CFAP90: variants seen among roughly 807,000 people sequenced by gnomAD.
The protein encoded by CFAP90 is cilia and flagella associated protein 90, also known as cilia- and flagella-associated protein 90.
At chr5:7,844,420 C>T in the CFAP90 span, among the ~76,000 whole-genome samples, 1 of 152,186 alleles carries the variant, frequency 6.6e-6, no homozygotes, top group Admixed American at 6.5e-5. Flanking sequence ...ATTCATTCCT[C>T]ATTTGTTCAT....
the CFAP90 span, chr5:7,832,064 A>G: frequency 4.4e-6 from 7 of 1,588,176 alleles, no homozygotes; most frequent in East Asian, 1.4e-4. Context: ...AGTCAGCACC[A>G]CTGCATTCGC....
chr5:7,833,467 CACACACATAT>C, the CFAP90 span, among the ~76,000 whole-genome samples: 1 of 150,006 alleles, frequency 6.7e-6, no homozygotes, highest in East Asian at 1.9e-4. Flanking sequence ...CACACACATG[CACACACATAT>C]ACACACATAT....
chr5:7,837,317 G>C, the CFAP90 span, among the ~76,000 whole-genome samples: 2 of 152,106 alleles, frequency 1.3e-5, no homozygotes, highest in Non-Finnish European at 2.9e-5. Flanking sequence ...TGTAGGTCAG[G>C]CTTGTCATTT....
chr5:7,832,052 A>T, the CFAP90 span: 1 of 1,598,724 alleles, frequency 6.3e-7, no homozygotes, highest in Non-Finnish European at 8.6e-7. Flanking sequence ...ATCAAAGCAC[A>T]TAGTCAGCAC....
At chr5:7,833,299 ACAT>A in the CFAP90 span, among the ~76,000 whole-genome samples, 1 of 152,192 alleles carries the variant, frequency 6.6e-6, no homozygotes, top group African/African-American at 2.4e-5. Context: ...GCATGTACAC[ACAT>A]ATGTACACAC....
the CFAP90 span, chr5:7,835,465 T>TA: frequency 6.3e-7 from 1 of 1,597,910 alleles, no homozygotes; most frequent in Non-Finnish European, 8.5e-7. Context: ...AGGCGCCTCT[T>TA]AAAAATACAA....
the CFAP90 span, chr5:7,851,042 C>G: frequency 8.1e-7 from 1 of 1,238,280 alleles, no homozygotes; most frequent in Non-Finnish European, 1.0e-6. Context: ...TCCAGCGCCC[C>G]CGCCTTGGCC....
chr5:7,844,139 A>C, the CFAP90 span, among the ~76,000 whole-genome samples: 1 of 152,140 alleles, frequency 6.6e-6, no homozygotes, highest in Non-Finnish European at 1.5e-5. Flanking sequence ...ACCCCTTTTT[A>C]AGGAGCTACC....
At chr5:7,849,600 A>G in the CFAP90 span, among the ~76,000 whole-genome samples, 1 of 152,172 alleles carries the variant, frequency 6.6e-6, no homozygotes. Flanking sequence ...AGAAGAAAGG[A>G]GTAGATGACC....
the CFAP90 span, among the ~76,000 whole-genome samples, chr5:7,845,179 A>G: frequency 6.6e-6 from 1 of 152,150 alleles, no homozygotes; most frequent in Non-Finnish European, 1.5e-5. Flanking sequence ...CTCACTTACT[A>G]TCATGAGAAC....
At chr5:7,842,513 ACT>A in the CFAP90 span, among the ~76,000 whole-genome samples, 1 of 151,364 alleles carries the variant, frequency 6.6e-6, no homozygotes, top group African/African-American at 2.4e-5. Flanking sequence ...TCCATAAAAA[ACT>A]CTCAGGCAGT....
At chr5:7,849,406 A>T in the CFAP90 span, among the ~76,000 whole-genome samples, 1 of 152,252 alleles carries the variant, frequency 6.6e-6, no homozygotes, top group East Asian at 1.9e-4. Flanking sequence ...CCTTCCCCCT[A>T]GACACCTGGC....
chr5:7,832,303 C>T, the CFAP90 span, among the ~76,000 whole-genome samples: 50,721 of 152,042 alleles, frequency 0.33, 8,678 homozygotes, highest in Admixed American at 0.46. Context: ...TCCCTGTGCT[C>T]TTCCTGGTCA....
the CFAP90 span, among the ~76,000 whole-genome samples, chr5:7,833,266 T>C: frequency 6.6e-6 from 1 of 151,816 alleles, no homozygotes; most frequent in South Asian, 2.1e-4. Flanking sequence ...ATTAAATATG[T>C]ATGTGTATAT....
chr5:7,839,588 C>T, the CFAP90 span, among the ~76,000 whole-genome samples: 1 of 152,200 alleles, frequency 6.6e-6, no homozygotes, highest in Non-Finnish European at 1.5e-5. Context: ...TAATATGCAA[C>T]TTTACAGAGA....
At chr5:7,833,532 CAT>C in the CFAP90 span, among the ~76,000 whole-genome samples, 1 of 152,058 alleles carries the variant, frequency 6.6e-6, no homozygotes, top group Admixed American at 6.5e-5. Context: ...CACATGCACA[CAT>C]ATATACACAC....
the CFAP90 span, among the ~76,000 whole-genome samples, chr5:7,849,614 A>G: frequency 6.6e-6 from 1 of 152,184 alleles, no homozygotes; most frequent in Admixed American, 6.5e-5. Flanking sequence ...GATGACCCTC[A>G]ACTGGCTTTG....
chr5:7,838,951 G>A, the CFAP90 span, among the ~76,000 whole-genome samples: 2 of 152,192 alleles, frequency 1.3e-5, no homozygotes, highest in African/African-American at 4.8e-5. Context: ...TTTTCATGCT[G>A]CTGATAAAGA....
the CFAP90 span, among the ~76,000 whole-genome samples, chr5:7,834,536 C>CGGTA: frequency 6.6e-6 from 1 of 151,934 alleles, no homozygotes; most frequent in African/African-American, 2.4e-5. Context: ...ATGAAGTCTA[C>CGGTA]GGTAGTGTAC....
Sources: allele counts gnomAD v4.1 joint callset (sites outside exome capture counted in the v4.1 genomes callset), GRCh38; gene constraint gnomAD v4.1.1; transcripts MANE v1.5; gene names NCBI Gene and HGNC (gene_info 2026-07-23, HGNC 2026-07-21).